ERC2: variants seen among roughly 807,000 people sequenced by gnomAD.
The protein encoded by ERC2 is ERC protein 2.
A neutral mutation model predicts 114.8 loss-of-function variants in ERC2; 42 were observed. The ratio of observed to expected loss-of-function variants is 0.37; its 90% CI spans 0.29 to 0.47. ERC2 has a LOEUF of 0.47. ERC2 is among the 20% of genes least tolerant of loss of function. The probability of loss-of-function intolerance (pLI) is 0.99; values close to 1 mark genes in which losing one functional copy is unlikely to be tolerated. For missense variants in ERC2, 939 were observed against 1,150.7 expected, an observed-to-expected ratio of 0.82 and a Z score of 2.66; for synonymous variants, 454 against 425.5, an observed-to-expected ratio of 1.07 and a Z score of -0.82.
intron 3 of ERC2, among the ~76,000 whole-genome samples, chr3:56,286,507 T>C (rs1003814900): frequency 4.6e-5 from 7 of 151,596 alleles, no homozygotes; most frequent in African/African-American, 1.5e-4. Context: ...AACAGTAAGA[T>C]TTGATCCTCT....
intron 15 of ERC2, among the ~76,000 whole-genome samples, chr3:55,711,374 C>T (rs747651279): frequency 3.3e-5 from 5 of 152,104 alleles, no homozygotes; most frequent in Admixed American, 6.6e-5. Flanking sequence ...TATTTATTCC[C>T]GCTGTTAAGG....
chr3:55,558,830 C>T (rs1292972414), intron 17 of ERC2, among the ~76,000 whole-genome samples: 1 of 152,220 alleles, frequency 6.6e-6, no homozygotes, highest in East Asian at 1.9e-4. Context: ...TGTTATAGAT[C>T]TAGGGGTAAA....
chr3:56,003,134 G>A, intron 10 of ERC2: 3 of 1,288,444 alleles, frequency 2.3e-6, no homozygotes, highest in Non-Finnish European at 3.0e-6. Context: ...TGCTCAGCTT[G>A]CTACATTGCA....
At chr3:56,142,727 T>G (rs2080928239) in intron 5 of ERC2, among the ~76,000 whole-genome samples, 1 of 152,122 alleles carries the variant, frequency 6.6e-6, no homozygotes, top group Non-Finnish European at 1.5e-5. Context: ...ACTTTTGAAG[T>G]CTTTGCTTTC....
chr3:56,034,011 C>T (rs751877323), intron 7 of ERC2, among the ~76,000 whole-genome samples: 28 of 152,092 alleles, frequency 1.8e-4, no homozygotes, highest in East Asian at 9.7e-4. Context: ...AAATAAATTA[C>T]GGAATCAAAA....
intron 17 of ERC2, among the ~76,000 whole-genome samples, chr3:55,620,638 T>C (rs1297381263): frequency 6.6e-6 from 1 of 152,162 alleles, no homozygotes; most frequent in Non-Finnish European, 1.5e-5. Flanking sequence ...CGGGAGACTT[T>C]ACAAGGCCAA....
chr3:55,575,042 G>T (rs2056904686), intron 17 of ERC2, among the ~76,000 whole-genome samples: 1 of 152,104 alleles, frequency 6.6e-6, no homozygotes, highest in South Asian at 2.1e-4. Flanking sequence ...GAGACGGAAT[G>T]TTGCCCTGTT....
chr3:56,162,567 G>A (rs879910448), intron 4 of ERC2, among the ~76,000 whole-genome samples: 10 of 152,158 alleles, frequency 6.6e-5, no homozygotes, highest in Admixed American at 2.6e-4. Flanking sequence ...CTCAATATTC[G>A]TCTTTTCCGT....
chr3:56,218,083 G>A (rs1363902605), intron 3 of ERC2, among the ~76,000 whole-genome samples: 1 of 152,148 alleles, frequency 6.6e-6, no homozygotes, highest in African/African-American at 2.4e-5. Flanking sequence ...GCATGGGCAA[G>A]GACTTCACAT....
intron 3 of ERC2, among the ~76,000 whole-genome samples, chr3:56,179,058 TAA>T (rs34820943): frequency 1.4e-4 from 19 of 132,420 alleles, no homozygotes; most frequent in South Asian, 7.3e-4. Flanking sequence ...GTTGATGAGC[TAA>T]AAAAAAAAAA....
At chr3:56,233,570 G>A (rs1338967474) in intron 3 of ERC2, among the ~76,000 whole-genome samples, 2 of 151,840 alleles carry the variant, frequency 1.3e-5, no homozygotes, top group African/African-American at 4.8e-5. Flanking sequence ...CTTGACCCCA[G>A]GAGCTGGAGG....
chr3:55,826,352 C>T (rs570828177), intron 14 of ERC2, among the ~76,000 whole-genome samples: 2 of 152,270 alleles, frequency 1.3e-5, no homozygotes, highest in Admixed American at 6.5e-5. Context: ...CTCCAGCTGA[C>T]CTCTATTACT....
intron 15 of ERC2, among the ~76,000 whole-genome samples, chr3:55,724,074 G>T (rs942202559): frequency 2.0e-5 from 3 of 152,162 alleles, no homozygotes; most frequent in African/African-American, 7.2e-5. Context: ...AAACTAAAGA[G>T]AAAAAGGCTT....
chr3:55,900,118 C>T (rs558049058), intron 13 of ERC2, among the ~76,000 whole-genome samples: 83 of 152,196 alleles, frequency 5.5e-4, no homozygotes, highest in African/African-American at 1.9e-3. Flanking sequence ...GGTTATAATC[C>T]GGTGGGGAGA....
intron 2 of ERC2, among the ~76,000 whole-genome samples, chr3:56,342,026 C>T (rs975435226): frequency 2.0e-5 from 3 of 152,178 alleles, no homozygotes; most frequent in Non-Finnish European, 4.4e-5. Flanking sequence ...GATCTTAGAA[C>T]CTGCTCATTT....
intron 12 of ERC2, among the ~76,000 whole-genome samples, chr3:55,953,204 CA>C (rs10575146): frequency 0.07 from 9,892 of 140,412 alleles, 875 homozygotes; most frequent in African/African-American, 0.22. Flanking sequence ...AACTCCATCT[CA>C]AAAAAAAAAA....
At chr3:56,321,617 G>T (rs1388098485) in intron 2 of ERC2, among the ~76,000 whole-genome samples, 1 of 152,188 alleles carries the variant, frequency 6.6e-6, no homozygotes, top group Admixed American at 6.5e-5. Flanking sequence ...GCCTTATTTG[G>T]TCTATCCTGT....
At chr3:55,863,539 C>A (rs1025711516) in intron 14 of ERC2, among the ~76,000 whole-genome samples, 1 of 152,000 alleles carries the variant, frequency 6.6e-6, no homozygotes, top group African/African-American at 2.4e-5. Context: ...CAGAGTTGGG[C>A]TCAGAAAATT....
intron 17 of ERC2, among the ~76,000 whole-genome samples, chr3:55,662,174 T>C (rs2702139): frequency 0.74 from 113,143 of 152,156 alleles, 42,094 homozygotes; most frequent in Admixed American, 0.81. Flanking sequence ...ATCCTGTTCT[T>C]ATCAGCTTAT....
Sources: allele counts gnomAD v4.1 joint callset (sites outside exome capture counted in the v4.1 genomes callset), GRCh38; gene constraint gnomAD v4.1.1; transcripts MANE v1.5; gene names NCBI Gene and HGNC (gene_info 2026-07-23, HGNC 2026-07-21).